Variants in GATAD2B observed in about 807,000 individuals in gnomAD.
GATAD2B encodes the protein GATA zinc finger domain containing 2B.
A neutral mutation model predicts 64.3 loss-of-function variants in GATAD2B; 8 were observed. That is an observed-to-expected ratio of 0.12 (90% CI 0.07 to 0.22). The LOEUF is 0.22. Ranked by LOEUF, GATAD2B falls within the 10% of genes least tolerant of loss-of-function variation. The pLI is 1.00. For missense variants in GATAD2B, 453 were observed against 752.0 expected (o/e 0.60, Z 4.65); for synonymous variants, 281 against 271.3 (o/e 1.04, Z -0.35).
chr1:153,891,219 G>C (rs1677387483), intron 1 of GATAD2B, among the ~76,000 whole-genome samples: 2 of 148,404 alleles, frequency 1.3e-5, no homozygotes, highest in Non-Finnish European at 3.0e-5. Context: ...AGAAAGGAAA[G>C]GAAAAAGGGA....
chr1:153,910,354 A>C (rs757027286), intron 1 of GATAD2B, among the ~76,000 whole-genome samples: 46 of 152,340 alleles, frequency 3.0e-4, no homozygotes, highest in Admixed American at 3.9e-4. Context: ...ATTCAGTAGA[A>C]ACTGTACTTC....
At chr1:153,810,788 G>A (rs1240454016) in intron 10 of GATAD2B, among the ~76,000 whole-genome samples, 1 of 150,822 alleles carries the variant, frequency 6.6e-6, no homozygotes, top group Non-Finnish European at 1.5e-5. Context: ...ATCTGAGACA[G>A]AATTTCGCTC....
intron 1 of GATAD2B, among the ~76,000 whole-genome samples, chr1:153,828,803 G>C (rs1489870504): frequency 6.6e-6 from 1 of 152,106 alleles, no homozygotes; most frequent in Non-Finnish European, 1.5e-5. Context: ...CAGGTGCTTA[G>C]CCTGATAAGA....
intron 6 of GATAD2B, among the ~76,000 whole-genome samples, chr1:153,817,063 G>A (rs1182886746): frequency 2.6e-5 from 4 of 152,054 alleles, no homozygotes; most frequent in African/African-American, 9.7e-5. Flanking sequence ...AAACAAAAAA[G>A]AGACAGAAAT....
chr1:153,897,321 G>A (rs952021545), intron 1 of GATAD2B, among the ~76,000 whole-genome samples: 12 of 152,088 alleles, frequency 7.9e-5, no homozygotes, highest in African/African-American at 2.9e-4. Context: ...GAGCCACTGC[G>A]CCTGGCCAAA....
At chr1:153,873,391 C>T (rs1016352291) in intron 1 of GATAD2B, among the ~76,000 whole-genome samples, 1 of 152,150 alleles carries the variant, frequency 6.6e-6, no homozygotes, top group African/African-American at 2.4e-5. Context: ...ACTTGGTGCC[C>T]AATGCAGGCG....
chr1:153,905,673 T>A lies in GATAD2B; in HGVS notation c.-2+17060A>T, dbSNP rs541438967. Among the ~76,000 whole-genome samples, 4 of 150,962 alleles carry A rather than the reference T, an allele frequency of 2.6e-5. No homozygotes were observed. In the South Asian group the frequency reaches 8.4e-4, roughly 32 times the overall value. ...GTAGCCCGGCATAGTGGCACCTGCCTGTAATCCCAGCTACTCGGGAGGCTG... is the reference window on the plus strand; with the variant it reads ...GTAGCCCGGCATAGTGGCACCTGCCAGTAATCCCAGCTACTCGGGAGGCTG... On this transcript the variant is annotated intron_variant, in intron 1 of 10. Transcript: ENST00000368655.
intron 1 of GATAD2B, among the ~76,000 whole-genome samples, chr1:153,905,744 G>A (rs1677905985): frequency 7.2e-6 from 1 of 138,712 alleles, no homozygotes; most frequent in African/African-American, 2.7e-5. Flanking sequence ...CCATGCCTGG[G>A]CAACATAGCA....
intron 1 of GATAD2B, among the ~76,000 whole-genome samples, chr1:153,912,531 C>T (rs1319199757): frequency 2.6e-5 from 4 of 152,166 alleles, no homozygotes; most frequent in Admixed American, 6.6e-5. Context: ...CAGAACCTAA[C>T]GGTGCAATAC....
chr1:153,858,084 G>A (rs913074156), intron 1 of GATAD2B, among the ~76,000 whole-genome samples: 2 of 152,222 alleles, frequency 1.3e-5, no homozygotes, highest in Non-Finnish European at 2.9e-5. Context: ...CTGACTTCAA[G>A]AATAGGATCA....
rs1383790690 is a variant in GATAD2B at position 153,818,865 on chromosome 1, A to G, written c.523T>C (p.Leu175=). 1 of 1,613,190 alleles carries G rather than the reference A, an allele frequency of 6.2e-7. No individual in the cohort carries two copies. Among genetic ancestry groups the G allele is most frequent in the Non-Finnish European group, 8.5e-7 (1 of 1,179,870 alleles). Residue 175 remains leucine (L), a synonymous_variant, in exon 4 of 11, where the codon TTG becomes CTG. Coordinates refer to ENST00000368655, the MANE Select transcript of GATAD2B (RefSeq NM_020699.4). The stretch of plus-strand genomic sequence containing the variant: ...AACAGGACCAGTCGGGCTTCTTCCA[A>G]TCGTAGCTCATCCCTCAGCTGCTTG... The part of the protein sequence containing the change: ...LIKQLRDELR[L]EEARLVLLKK...
chr1:153,822,986 T>C (rs146774606), intron 2 of GATAD2B, among the ~76,000 whole-genome samples: 36 of 152,272 alleles, frequency 2.4e-4, no homozygotes, highest in Middle Eastern at 3.4e-3. Flanking sequence ...GGTCTCCTTA[T>C]GTTACTAAGG....
chr1:153,842,717 ATC>A (rs1479482778), intron 1 of GATAD2B, among the ~76,000 whole-genome samples: 3 of 149,902 alleles, frequency 2.0e-5, no homozygotes, highest in Non-Finnish European at 4.5e-5. Flanking sequence ...CAATGGCACA[ATC>A]TCGGCTCACT....
At chr1:153,852,351 G>C (rs1483968050) in intron 1 of GATAD2B, 1 of 903,646 alleles carries the variant, frequency 1.1e-6, no homozygotes, top group Non-Finnish European at 1.9e-6. Context: ...ACACTGAGTA[G>C]ATGTCGCCTG....
intron 1 of GATAD2B, chr1:153,853,151 T>C: frequency 7.0e-7 from 1 of 1,422,352 alleles, no homozygotes; most frequent in Non-Finnish European, 9.9e-7. Context: ...CAATCCTGTC[T>C]AGCCCCTTAC....
chr1:153,919,679 G>C (rs923049330), intron 1 of GATAD2B, among the ~76,000 whole-genome samples: 3 of 152,316 alleles, frequency 2.0e-5, no homozygotes, highest in East Asian at 1.9e-4. Flanking sequence ...CCTAGGCTTA[G>C]CCAAAAGCAG....
intron 1 of GATAD2B, among the ~76,000 whole-genome samples, chr1:153,851,709 TGA>T (rs904481623): frequency 4.7e-4 from 72 of 152,264 alleles, no homozygotes; most frequent in African/African-American, 1.6e-3. Context: ...GCAATCATCA[TGA>T]GATAAATCAG....
chr1:153,837,496 T>C (rs1675315597), intron 1 of GATAD2B, among the ~76,000 whole-genome samples: 1 of 152,004 alleles, frequency 6.6e-6, no homozygotes, highest in African/African-American at 2.4e-5. Flanking sequence ...AAGTAGATAG[T>C]GGTGATGGTT....
rs1360803324 is a variant in GATAD2B at position 153,819,818 on chromosome 1, G to A, written c.336-83C>T. 8 of 1,274,090 alleles carry A rather than the reference G, an allele frequency of 6.3e-6. No homozygotes were observed. In the South Asian group the frequency reaches 9.0e-5, roughly 14 times the overall value. 78.9% of individuals were successfully genotyped at this position (1,274,090 alleles called of 1,614,324 possible). On this transcript the variant is annotated intron_variant, in intron 2 of 10. Coordinates refer to ENST00000368655, the MANE Select transcript of GATAD2B (RefSeq NM_020699.4). ...GCTGAATTAAAAAAATCCAAGGGGG[G>A]CCGGGTGCGGTGGCTCACTCCTGTA...
Sources: allele counts gnomAD v4.1 joint callset (sites outside exome capture counted in the v4.1 genomes callset), GRCh38; gene constraint gnomAD v4.1.1; transcripts MANE v1.5; gene names NCBI Gene and HGNC (gene_info 2026-07-23, HGNC 2026-07-21).